The following RYR2 variants were observed in gnomAD, a reference collection of about 807,000 sequenced individuals.
RYR2 encodes the protein cardiac muscle ryanodine receptor-calcium release channel.
RYR2 carries 227 observed loss-of-function variants against 601.1 expected under a neutral mutation model. That is an observed-to-expected ratio of 0.38 (90% CI 0.34 to 0.42). RYR2 has a LOEUF of 0.42. Ranked by LOEUF, RYR2 falls within the 10% of genes least tolerant of loss-of-function variation. The probability of loss-of-function intolerance (pLI) is 1.00; values close to 1 mark genes in which losing one functional copy is unlikely to be tolerated. For synonymous variants in RYR2, 2,223 were observed against 2,175.1 expected, an observed-to-expected ratio of 1.02 and a Z score of -0.61; for missense variants, 4,646 against 6,156.5, an observed-to-expected ratio of 0.75 and a Z score of 8.21.
chr1:237,273,648 A>G (rs1689938872), intron 2 of RYR2, among the ~76,000 whole-genome samples: 1 of 152,090 alleles, frequency 6.6e-6, no homozygotes, highest in Non-Finnish European at 1.5e-5. Flanking sequence ...TAAAAATTCA[A>G]CTTCCTGATT....
At chr1:237,785,023 A>C in intron 90 of RYR2, 51 bp downstream of exon 90, 1 of 1,269,410 alleles carries the variant, frequency 7.9e-7, no homozygotes, top group Non-Finnish European at 1.1e-6. Flanking sequence ...TCAGGTGGGT[A>C]TAATAAATGA....
At chr1:237,620,643 C>G (rs1678977304) in intron 38 of RYR2, among the ~76,000 whole-genome samples, 1 of 151,406 alleles carries the variant, frequency 6.6e-6, no homozygotes, top group South Asian at 2.1e-4. Flanking sequence ...CAAAATAAAG[C>G]AGGAGTAGCT....
chr1:237,081,805 A>T (rs940507528), intron 1 of RYR2, among the ~76,000 whole-genome samples: 1 of 152,020 alleles, frequency 6.6e-6, no homozygotes, highest in East Asian at 1.9e-4. Flanking sequence ...ACTCATGAAA[A>T]GTCTTCAGTT....
At chr1:237,319,976 C>T (rs56335723) in intron 2 of RYR2, among the ~76,000 whole-genome samples, 1 of 152,218 alleles carries the variant, frequency 6.6e-6, no homozygotes, top group Non-Finnish European at 1.5e-5. Flanking sequence ...TACTGGTCTT[C>T]ACAGCTAGCC....
At position 237,591,008 on chromosome 1, in the gene RYR2, G is replaced by A. The variant is rs587781142; in HGVS notation, c.4160+16G>A. On this transcript the variant is annotated intron_variant, in intron 31 of 104. Transcript: ENST00000366574. The stretch of plus-strand genomic sequence containing the variant: ...TGAAACAAAGGTTACTAATTTATAC[G>A]CTGTGATTTTAAATTTGTAGTTATG... 4.3e-5 allele frequency: 68 copies of A among 1,590,748 alleles called. No individual in the cohort carries two copies. The highest frequency in any genetic ancestry group is 5.1e-5 in the Non-Finnish European group (60 of 1,166,350).
chr1:237,753,629 G>C (rs1281217687), intron 80 of RYR2, among the ~76,000 whole-genome samples: 1 of 151,814 alleles, frequency 6.6e-6, no homozygotes, highest in Admixed American at 6.6e-5. Flanking sequence ...TTAAATTCTG[G>C]AGCTGCTCTT....
chr1:237,641,255 C>T (rs1681441078), intron 47 of RYR2, among the ~76,000 whole-genome samples: 1 of 152,180 alleles, frequency 6.6e-6, no homozygotes, highest in Non-Finnish European at 1.5e-5. Flanking sequence ...GAAACTCATA[C>T]AGCCTCCCAC....
chr1:237,486,314 A>C (rs1422705669), intron 17 of RYR2, among the ~76,000 whole-genome samples: 1 of 152,120 alleles, frequency 6.6e-6, no homozygotes, highest in Non-Finnish European at 1.5e-5. Context: ...AGTTCTTGTA[A>C]CTCCTCACTA....
intron 1 of RYR2, among the ~76,000 whole-genome samples, chr1:237,048,173 G>A (rs1660824551): frequency 6.6e-6 from 1 of 152,180 alleles, no homozygotes; most frequent in Non-Finnish European, 1.5e-5. Flanking sequence ...TGGCTCCAGT[G>A]TGATCCTAAC....
chr1:237,588,669 C>T (rs1325012168), intron 29 of RYR2, among the ~76,000 whole-genome samples: 2 of 152,120 alleles, frequency 1.3e-5, no homozygotes, highest in Admixed American at 1.3e-4. Flanking sequence ...CCTATCTCTA[C>T]TAAAAATACA....
At chr1:237,082,057 G>A (rs1281403915) in intron 1 of RYR2, among the ~76,000 whole-genome samples, 1 of 152,124 alleles carries the variant, frequency 6.6e-6, no homozygotes, top group Non-Finnish European at 1.5e-5. Flanking sequence ...CTGTGTCAGC[G>A]AGGTCCCCAG....
chr1:237,534,920 C>T (rs1280633447), intron 25 of RYR2, among the ~76,000 whole-genome samples: 1 of 151,536 alleles, frequency 6.6e-6, no homozygotes, highest in Non-Finnish European at 1.5e-5. Flanking sequence ...TGTGGAATGG[C>T]TAAACCAAGC....
chr1:237,618,487 T>C (rs914676616), intron 38 of RYR2, among the ~76,000 whole-genome samples: 1 of 152,120 alleles, frequency 6.6e-6, no homozygotes, highest in Admixed American at 6.5e-5. Context: ...AGGAACAACA[T>C]GGTGGTGAGT....
At chr1:237,210,474 C>T (rs914639446) in intron 1 of RYR2, among the ~76,000 whole-genome samples, 2 of 152,112 alleles carry the variant, frequency 1.3e-5, no homozygotes, top group Non-Finnish European at 2.9e-5. Context: ...TTGGATGTCT[C>T]ATTTCTTGTA....
intron 2 of RYR2, among the ~76,000 whole-genome samples, chr1:237,273,567 T>A (rs1689930063): frequency 6.6e-6 from 1 of 152,182 alleles, no homozygotes; most frequent in Non-Finnish European, 1.5e-5. Flanking sequence ...GAGTGTCTTA[T>A]GGAATGGCTC....
intron 1 of RYR2, among the ~76,000 whole-genome samples, chr1:237,221,522 G>A (rs1558449826): frequency 6.6e-6 from 1 of 152,194 alleles, no homozygotes; most frequent in Admixed American, 6.5e-5. Context: ...TTTAAAAAGA[G>A]AGGGATATGA....
intron 1 of RYR2, among the ~76,000 whole-genome samples, chr1:237,213,582 T>A (rs928823241): frequency 4.6e-5 from 7 of 152,190 alleles, no homozygotes; most frequent in African/African-American, 1.2e-4. Flanking sequence ...CCTGCTTTTC[T>A]AATGGGAGCG....
rs185686372 is a variant in RYR2, at chr1:237,776,967, G to T, written c.11776-1699G>T. Among the ~76,000 whole-genome samples, 29 of 152,266 alleles carry T rather than the reference G, an allele frequency of 1.9e-4. No individual in the cohort carries two copies. In the East Asian group the frequency reaches 5.0e-3, roughly 26 times the overall value. ...CCATTTCAGACTGATTTCAGATGGG[G>T]CAGAATGGCCCCTTCCTGAGTAGTC... is the stretch of plus-strand genomic sequence containing the variant. On this transcript the variant is annotated intron_variant, in intron 87 of 104. Transcript: ENST00000366574.
chr1:237,086,667 C>T (rs1666370021), intron 1 of RYR2, among the ~76,000 whole-genome samples: 2 of 152,060 alleles, frequency 1.3e-5, no homozygotes, highest in African/African-American at 4.8e-5. Context: ...TTTTATTTCC[C>T]ACAATATCAT....
Sources: allele counts gnomAD v4.1 joint callset (sites outside exome capture counted in the v4.1 genomes callset), GRCh38; gene constraint gnomAD v4.1.1; transcripts MANE v1.5; gene names NCBI Gene and HGNC (gene_info 2026-07-23, HGNC 2026-07-21).